The following RANBP2 variants were observed in gnomAD, a reference collection of about 807,000 sequenced individuals.
RANBP2 encodes E3 SUMO-protein ligase RanBP2.
RANBP2 carries 57 observed loss-of-function variants against 303.6 expected under a neutral mutation model. The observed-to-expected ratio is 0.19, with a 90% confidence interval of 0.15 to 0.23. The LOEUF is 0.23. RANBP2 is among the 10% of genes least tolerant of loss of function. The pLI is 1.00. For synonymous variants in RANBP2, 1,167 were observed against 1,301.5 expected (o/e 0.90, Z 2.23); for missense variants, 3,138 against 3,780.8 (o/e 0.83, Z 4.46).
Position 108,763,350 on chromosome 2 carries a change from G to A in RANBP2, c.2811G>A (p.Glu937=), listed in dbSNP as rs779006037. 1.2e-6 allele frequency: 2 copies of A among 1,613,946 alleles called. No homozygotes were observed. Among genetic ancestry groups the A allele is most frequent in the Non-Finnish European group, 1.7e-6 (2 of 1,179,956 alleles). Residue 937 remains glutamate, a synonymous_variant, in exon 20 of 29, where the codon GAG becomes GAA. Coordinates refer to ENST00000283195, the MANE Select transcript of RANBP2 (RefSeq NM_006267.5). ...QSSSACMFSQ[E]MYGPPALRFE... ...CATCTGCTTGTATGTTCTCTCAGGAGATGTATGGTCCTCCTGCATTGCGTT... is the reference window on the plus strand; with the variant it reads ...CATCTGCTTGTATGTTCTCTCAGGAAATGTATGGTCCTCCTGCATTGCGTT...
the RANBP2 span, among the ~76,000 whole-genome samples, chr2:109,238,606 C>T: frequency 3.3e-5 from 5 of 151,960 alleles, no homozygotes; most frequent in African/African-American, 7.3e-5. Flanking sequence ...AATTCTTTTT[C>T]GCATTATGGA....
At chr2:109,519,979 T>A in the RANBP2 span, among the ~76,000 whole-genome samples, 1 of 151,902 alleles carries the variant, frequency 6.6e-6, no homozygotes, top group Non-Finnish European at 1.5e-5. Context: ...GAGGAGGTGG[T>A]TGCATGCATC....
chr2:108,720,645 T>A (rs908314220), intron 1 of RANBP2, among the ~76,000 whole-genome samples: 5 of 152,116 alleles, frequency 3.3e-5, no homozygotes, highest in Admixed American at 6.6e-5. Context: ...ATAGATGGAG[T>A]TGTAACATTA....
the RANBP2 span, chr2:109,141,374 A>G: frequency 1.3e-5 from 2 of 152,566 alleles, no homozygotes; most frequent in Admixed American, 6.6e-5. Context: ...CAACTTGCTC[A>G]GTGATGAGTG....
the RANBP2 span, among the ~76,000 whole-genome samples, chr2:109,501,266 C>G: frequency 6.6e-6 from 1 of 152,130 alleles, no homozygotes; most frequent in Non-Finnish European, 1.5e-5. Flanking sequence ...AGTCCAGCTT[C>G]TTCGTAGATC....
At chr2:109,582,112 A>T in the RANBP2 span, among the ~76,000 whole-genome samples, 1 of 139,460 alleles carries the variant, frequency 7.2e-6, no homozygotes, top group African/African-American at 2.6e-5. Context: ...ACACACACAC[A>T]CTCACTCTCA....
At chr2:109,625,084 CAACA>C in the RANBP2 span, among the ~76,000 whole-genome samples, 2 of 61,914 alleles carry the variant, frequency 3.2e-5, no homozygotes, top group Non-Finnish European at 5.8e-5. Context: ...ACAACAACAA[CAACA>C]AAAAAAAAAA....
the RANBP2 span, among the ~76,000 whole-genome samples, chr2:108,999,848 G>T: frequency 2.0e-5 from 3 of 152,294 alleles, no homozygotes; most frequent in South Asian, 6.2e-4. Context: ...CTTTCCATCA[G>T]TGGCAGAGGT....
chr2:108,748,815 T>C, intron 8 of RANBP2, 105 bp from the exon 9 acceptor site: 1 of 1,606,110 alleles, frequency 6.2e-7, no homozygotes, highest in Non-Finnish European at 8.5e-7. Context: ...GGGTTAGGTA[T>C]GCAGTAATCA....
At chr2:108,929,438 T>C in the RANBP2 span, 1 of 1,569,534 alleles carries the variant, frequency 6.4e-7, no homozygotes, top group Non-Finnish European at 8.8e-7. Context: ...CCATACGGAC[T>C]CGGCCCACAG....
the RANBP2 span, among the ~76,000 whole-genome samples, chr2:109,471,329 G>A: frequency 6.6e-5 from 10 of 152,052 alleles, no homozygotes; most frequent in African/African-American, 1.2e-4. Flanking sequence ...CAATCATGGC[G>A]GAAGGCAAAG....
At chr2:108,721,964 C>G (rs1455766096) in intron 1 of RANBP2, among the ~76,000 whole-genome samples, 2 of 151,688 alleles carry the variant, frequency 1.3e-5, no homozygotes, top group Non-Finnish European at 2.9e-5. Flanking sequence ...TCTCCAACTC[C>G]TGGGCTCAAG....
chr2:109,734,411 G>A, the RANBP2 span, among the ~76,000 whole-genome samples: 1 of 151,900 alleles, frequency 6.6e-6, no homozygotes, highest in African/African-American at 2.4e-5. Flanking sequence ...TAAATACTTA[G>A]AAATAAATCT....
At chr2:109,566,907 G>A in the RANBP2 span, among the ~76,000 whole-genome samples, 1 of 152,088 alleles carries the variant, frequency 6.6e-6, no homozygotes, top group Non-Finnish European at 1.5e-5. Context: ...GACATATTTA[G>A]TTTCTTAATG....
chr2:108,912,899 T>G, the RANBP2 span: 1 of 753,988 alleles, frequency 1.3e-6, no homozygotes, highest in Non-Finnish European at 2.3e-6. Context: ...GCTAAATATT[T>G]GTATTTCTTA....
chr2:109,080,051 T>G, the RANBP2 span, among the ~76,000 whole-genome samples: 2 of 152,200 alleles, frequency 1.3e-5, no homozygotes, highest in African/African-American at 4.8e-5. Flanking sequence ...TCTCCTCCGA[T>G]GATTGTGGAC....
At chr2:108,741,296 A>G (rs1283595270) in intron 7 of RANBP2, among the ~76,000 whole-genome samples, 1 of 151,806 alleles carries the variant, frequency 6.6e-6, no homozygotes, top group Admixed American at 6.6e-5. Flanking sequence ...TCCTGGGTTC[A>G]AGTGATTCTC....
the RANBP2 span, among the ~76,000 whole-genome samples, chr2:109,341,060 C>T: frequency 1.3e-5 from 2 of 152,182 alleles, no homozygotes; most frequent in Non-Finnish European, 2.9e-5. Context: ...AAGGGCAAGT[C>T]GTGTTTTCAT....
intron 2 of RANBP2, among the ~76,000 whole-genome samples, chr2:108,730,127 G>C (rs1413224607): frequency 1.4e-5 from 2 of 146,626 alleles, no homozygotes; most frequent in Non-Finnish European, 3.0e-5. Context: ...GTTAACTCTT[G>C]TACCTTTTTA....
Sources: allele counts gnomAD v4.1 joint callset (sites outside exome capture counted in the v4.1 genomes callset), GRCh38; gene constraint gnomAD v4.1.1; transcripts MANE v1.5; gene names NCBI Gene and HGNC (gene_info 2026-07-23, HGNC 2026-07-21).